The following DCX variants were observed in gnomAD, a reference collection of about 807,000 sequenced individuals.
DCX encodes doublecortin.
Under a neutral mutation model 20.9 loss-of-function variants are expected in DCX, and 4 were observed. That is an observed-to-expected ratio of 0.19 (90% CI 0.09 to 0.44). The LOEUF (loss-of-function observed/expected upper bound fraction) is 0.44. Among genes scored for constraint, DCX ranks in the 20% least tolerant of loss-of-function variants. The pLI is 0.99. For missense variants in DCX, 133 were observed against 296.9 expected (o/e 0.45, Z 4.06); for synonymous variants, 103 against 111.4 (o/e 0.92, Z 0.47).
chrX:111,409,753 A>G (rs1283777361), intron 2 of DCX, among the ~76,000 whole-genome samples: 1 of 111,956 alleles, frequency 8.9e-6, no homozygotes, highest in Non-Finnish European at 1.9e-5. Flanking sequence ...GTTAATTATG[A>G]ACAAAATCTA....
chrX:111,378,133 G>A (rs1925685220), intron 3 of DCX, among the ~76,000 whole-genome samples: 1 of 111,701 alleles, frequency 9.0e-6, no homozygotes, highest in Non-Finnish European at 1.9e-5. Flanking sequence ...GAATCAAGGA[G>A]CATAGAAGTC....
chrX:111,380,359 G>A (rs1382622019), intron 3 of DCX, among the ~76,000 whole-genome samples: 2 of 111,622 alleles, frequency 1.8e-5, no homozygotes, highest in African/African-American at 3.2e-5. Flanking sequence ...GCTGTGAGGT[G>A]GGGATTTAAC....
At chrX:111,408,699 G>T (rs769447233) in intron 2 of DCX, among the ~76,000 whole-genome samples, 41 of 103,816 alleles carry the variant, frequency 3.9e-4, no homozygotes, top group Non-Finnish European at 1.6e-4. Context: ...AGAAAGGAAG[G>T]AAGTCGAACT....
At chrX:111,356,904 C>T (rs1032158733) in intron 3 of DCX, among the ~76,000 whole-genome samples, 2 of 111,360 alleles carry the variant, frequency 1.8e-5, no homozygotes, top group African/African-American at 3.3e-5. Flanking sequence ...GGCAATATAG[C>T]GAGATTCCTG....
At chrX:111,375,966 A>G (rs958671461) in intron 3 of DCX, among the ~76,000 whole-genome samples, 6 of 112,217 alleles carry the variant, frequency 5.3e-5, no homozygotes, top group Non-Finnish European at 1.1e-4. Context: ...ATCAGATGCC[A>G]GCTATTGAGA....
chrX:111,309,177 A>G (rs1339825910), intron 6 of DCX, among the ~76,000 whole-genome samples: 1 of 112,598 alleles, frequency 8.9e-6, no homozygotes, highest in East Asian at 2.8e-4. Flanking sequence ...CAGCTGCATT[A>G]AAGAAGATTC....
chrX:111,303,145 T>C (rs191711329), intron 6 of DCX, among the ~76,000 whole-genome samples: 1 of 107,888 alleles, frequency 9.3e-6, no homozygotes, highest in Admixed American at 1.0e-4. Flanking sequence ...TGGAGTGCAG[T>C]GGTGTGATCT....
chrX:111,373,256 G>T (rs1204471091), intron 3 of DCX, among the ~76,000 whole-genome samples: 1 of 111,659 alleles, frequency 9.0e-6, no homozygotes, highest in Non-Finnish European at 1.9e-5. Flanking sequence ...GCCCCAGAGG[G>T]GCTGAGCACA....
At chrX:111,402,735 C>T (rs1414414329) in intron 2 of DCX, among the ~76,000 whole-genome samples, 1 of 108,986 alleles carries the variant, frequency 9.2e-6, no homozygotes, top group African/African-American at 3.4e-5. Context: ...CTCTAGTGTA[C>T]CTTTGAGGAC....
intron 2 of DCX, among the ~76,000 whole-genome samples, chrX:111,404,781 C>G (rs780577595): frequency 1.9e-3 from 212 of 112,726 alleles, no homozygotes; most frequent in African/African-American, 6.3e-3. Context: ...GCTAGAAAGA[C>G]ATCAAATGCT....
chrX:111,319,477 A>G (rs2095081526), intron 5 of DCX, among the ~76,000 whole-genome samples: 1 of 112,214 alleles, frequency 8.9e-6, no homozygotes, highest in African/African-American at 3.2e-5. Flanking sequence ...GACCTGTGCC[A>G]AATAGCACCA....
Position 111,301,674 on chromosome X carries a change from A to C in DCX, c.*13T>G. 1.7e-6 allele frequency: 2 copies of C among 1,208,857 alleles called. No individual in the cohort carries two copies. Among genetic ancestry groups the C allele is most frequent in the South Asian group, 1.8e-5 (1 of 56,862 alleles). On this transcript the variant is annotated 3_prime_UTR_variant, in exon 7 of 7. Coordinates refer to ENST00000636035, the MANE Select transcript of DCX (RefSeq NM_001195553.2). Reference sequence around the variant, plus strand: ...TGGATTTGTACTCTGGACTCTGAGCACTCTCCCCTCCTTTACATGGAATCA... The same window carrying C: ...TGGATTTGTACTCTGGACTCTGAGCCCTCTCCCCTCCTTTACATGGAATCA...
intron 6 of DCX, among the ~76,000 whole-genome samples, chrX:111,308,443 G>T (rs957069988): frequency 4.5e-5 from 5 of 111,020 alleles, no homozygotes; most frequent in Non-Finnish European, 9.4e-5. Flanking sequence ...TGGCATGCCT[G>T]TTCTCTTCAC....
intron 1 of DCX, 68 bp from the exon 2 acceptor site, chrX:111,410,488 A>G: frequency 8.6e-7 from 1 of 1,168,389 alleles, no homozygotes; most frequent in Non-Finnish European, 1.2e-6. Flanking sequence ...AGAAGGAAAA[A>G]AGAAGGGATT....
At chrX:111,410,502 A>G (rs950493237) in intron 1 of DCX, 82 bp from the exon 2 acceptor site, 1 of 1,138,964 alleles carries the variant, frequency 8.8e-7, no homozygotes, top group Non-Finnish European at 1.2e-6. Flanking sequence ...AGGGATTTTA[A>G]ATATTAGCCA....
intron 3 of DCX, among the ~76,000 whole-genome samples, chrX:111,337,053 A>G (rs57982141): frequency 1.7e-3 from 190 of 112,566 alleles, no homozygotes; most frequent in African/African-American, 5.8e-3. Flanking sequence ...TTAAAATTCT[A>G]TGGAGGTAAT....
intron 2 of DCX, among the ~76,000 whole-genome samples, chrX:111,408,648 A>AAGAC (rs1284541632): frequency 9.9e-5 from 10 of 100,794 alleles, no homozygotes; most frequent in Non-Finnish European, 2.0e-4. Context: ...GAAAGAAAGA[A>AAGAC]AGAAAGAAAG....
At chrX:111,398,355 A>G (rs1927504044) in intron 3 of DCX, among the ~76,000 whole-genome samples, 2 of 110,792 alleles carry the variant, frequency 1.8e-5, no homozygotes, top group Non-Finnish European at 3.8e-5. Context: ...TAAAAAAAAA[A>G]AAAGGTTTGG....
intron 6 of DCX, among the ~76,000 whole-genome samples, chrX:111,305,856 G>A (rs919979884): frequency 7.2e-5 from 8 of 110,756 alleles, no homozygotes; most frequent in African/African-American, 2.6e-4. Flanking sequence ...TTTAAATCAA[G>A]TTTGTATTAA....
Sources: gnomAD v4.1 joint callset for allele counts (sites outside exome capture counted in the v4.1 genomes callset) on GRCh38, gnomAD v4.1.1 for gene constraint, MANE v1.5 for transcripts, NCBI Gene and HGNC (gene_info 2026-07-23, HGNC 2026-07-21) for gene names.